The following REPS1 variants were observed in gnomAD, a reference collection of about 807,000 sequenced individuals.
REPS1 encodes RALBP1 associated Eps domain containing 1.
A neutral mutation model predicts 100.9 loss-of-function variants in REPS1; 39 were observed. The observed-to-expected ratio is 0.39, with a 90% CI of 0.30 to 0.50. The LOEUF is 0.50. REPS1 is among the 20% of genes least tolerant of loss of function. The pLI is 0.86. For synonymous variants in REPS1, 324 were observed against 340.3 expected (o/e 0.95, Z 0.53); for missense variants, 821 against 968.5 (o/e 0.85, Z 2.02).
In REPS1 at chr6:138,932,139, GGACA is replaced by G. The variant is rs540128897; in HGVS notation, c.1136-2045_1136-2042del. Reference sequence around the variant, plus strand: ...CCCACCTCAGGGCAGTTATGATTTGGGACAGATTCTGGGAATATTTCTGGTTCAC... The same window carrying G: ...CCCACCTCAGGGCAGTTATGATTTGGGATTCTGGGAATATTTCTGGTTCAC... On this transcript the variant is annotated intron_variant, in intron 8 of 19. Coordinates refer to ENST00000450536, the MANE Select transcript of REPS1 (RefSeq NM_001286611.2). Among the ~76,000 whole-genome samples the G allele has an allele frequency of 8.3e-4, 126 of 152,202 alleles. 1 individual carries two copies. Among genetic ancestry groups the G allele is most frequent in the African/African-American group, 2.9e-3 (121 of 41,514 alleles).
intron 4 of REPS1, 81 bp downstream of exon 4, chr6:138,945,138 G>T: frequency 7.9e-7 from 1 of 1,263,328 alleles, no homozygotes; most frequent in Non-Finnish European, 1.1e-6. Flanking sequence ...GGAGGCTGAG[G>T]CAGGAGGATC....
At chr6:138,927,495 T>C (rs1236099646) in intron 9 of REPS1, 3 of 152,198 alleles carry the variant, frequency 2.0e-5, no homozygotes, top group Admixed American at 1.3e-4. Context: ...ATACAATGTA[T>C]ACACACGAAT....
intron 1 of REPS1, among the ~76,000 whole-genome samples, chr6:138,979,877 G>C (rs566772912): frequency 1.3e-5 from 2 of 152,192 alleles, no homozygotes; most frequent in Admixed American, 6.5e-5. Context: ...CACTAACATA[G>C]TGACAATCTT....
chr6:138,932,459 A>ACCC (rs71009602), intron 8 of REPS1, among the ~76,000 whole-genome samples: 7 of 147,652 alleles, frequency 4.7e-5, no homozygotes, highest in African/African-American at 1.2e-4. Context: ...TGTATTCCTT[A>ACCC]CCCCCCCCCA....
chr6:138,966,799 G>A (rs565176623), intron 1 of REPS1, among the ~76,000 whole-genome samples: 12 of 151,712 alleles, frequency 7.9e-5, no homozygotes, highest in East Asian at 7.8e-4. Flanking sequence ...AAAAGAAAAC[G>A]GTGAATTTTA....
At chr6:138,929,748 T>C in intron 9 of REPS1, 1 of 351,016 alleles carries the variant, frequency 2.8e-6, no homozygotes, top group Non-Finnish European at 5.2e-6. Flanking sequence ...TCTGCCTCTC[T>C]AAACTCACAA....
chr6:138,910,486 T>C (rs557945339), intron 17 of REPS1, among the ~76,000 whole-genome samples: 3 of 152,138 alleles, frequency 2.0e-5, no homozygotes, highest in Non-Finnish European at 4.4e-5. Context: ...GCCAAGTAGC[T>C]GGGACTATAG....
chr6:138,984,989 A>G (rs1333825347), intron 1 of REPS1, among the ~76,000 whole-genome samples: 3 of 152,204 alleles, frequency 2.0e-5, no homozygotes, highest in Non-Finnish European at 4.4e-5. Context: ...CCACTGAAAG[A>G]GTGTCATTCC....
intron 1 of REPS1, among the ~76,000 whole-genome samples, chr6:138,973,025 A>G (rs1469134643): frequency 6.6e-6 from 1 of 152,208 alleles, no homozygotes; most frequent in Non-Finnish European, 1.5e-5. Context: ...CAAAGTGATA[A>G]TAAAGGAAAC....
At chr6:138,949,974 T>C (rs1470762411) in intron 1 of REPS1, among the ~76,000 whole-genome samples, 1 of 152,188 alleles carries the variant, frequency 6.6e-6, no homozygotes, top group Admixed American at 6.5e-5. Context: ...AAAGCTGTTT[T>C]GGTGATACAG....
intron 10 of REPS1, among the ~76,000 whole-genome samples, chr6:138,926,060 T>A (rs1781097393): frequency 6.6e-6 from 1 of 152,190 alleles, no homozygotes; most frequent in African/African-American, 2.4e-5. Flanking sequence ...AGCATACAGA[T>A]AATACATAAA....
chr6:138,958,683 G>T (rs1024132008), intron 1 of REPS1, among the ~76,000 whole-genome samples: 1 of 152,108 alleles, frequency 6.6e-6, no homozygotes, highest in Non-Finnish European at 1.5e-5. Flanking sequence ...AAAAAAAGTA[G>T]AATGTTTTTC....
chr6:138,926,073 G>C (rs1357143402), intron 10 of REPS1, among the ~76,000 whole-genome samples: 1 of 152,062 alleles, frequency 6.6e-6, no homozygotes, highest in Admixed American at 6.6e-5. Context: ...TACATAAAGA[G>C]TCACTACACT....
At chr6:138,947,945 T>C (rs1782745994) in intron 1 of REPS1, 32 bp from the exon 2 acceptor site, 1 of 1,538,618 alleles carries the variant, frequency 6.5e-7, no homozygotes, top group African/African-American at 1.4e-5. Context: ...ACATTAAGAT[T>C]CACAACAAAA....
At chr6:138,963,822 C>T (rs1783870100) in intron 1 of REPS1, among the ~76,000 whole-genome samples, 1 of 152,122 alleles carries the variant, frequency 6.6e-6, no homozygotes, top group South Asian at 2.1e-4. Flanking sequence ...TCTTTCCTTA[C>T]AAAAACAACT....
Position 138,917,602 on chromosome 6 carries a change from A to G in REPS1, c.1554T>C (p.Ser518=). ...CGATCTGTTCTGGGTCAGAAGTAAA[A>G]GAGTCTGAACTACTGTAACCATCTG... ...TVADGYSSSD[S]FTSDPEQIGS... The change falls in exon 13 of 20, where the codon TCT becomes TCC. Residue 518 remains serine, a synonymous_variant. Coordinates refer to ENST00000450536, the MANE Select transcript of REPS1 (RefSeq NM_001286611.2). 6.2e-7 allele frequency: 1 copy of G among 1,613,606 alleles called. No individual in the cohort carries two copies. Among genetic ancestry groups the G allele is most frequent in the Non-Finnish European group, 8.5e-7 (1 of 1,179,720 alleles).
chr6:138,936,387 C>T (rs1018753611), intron 8 of REPS1, among the ~76,000 whole-genome samples: 1 of 152,074 alleles, frequency 6.6e-6, no homozygotes, highest in Non-Finnish European at 1.5e-5. Flanking sequence ...ATTGCTATCA[C>T]CCTCATAGAG....
At chr6:138,984,244 C>T (rs1448666096) in intron 1 of REPS1, among the ~76,000 whole-genome samples, 4 of 152,012 alleles carry the variant, frequency 2.6e-5, no homozygotes, top group Admixed American at 6.6e-5. Context: ...CCACCACATG[C>T]GGCTAATTTT....
At chr6:138,969,659 T>G (rs1297676256) in intron 1 of REPS1, among the ~76,000 whole-genome samples, 1 of 151,938 alleles carries the variant, frequency 6.6e-6, no homozygotes. Flanking sequence ...GAAACTGAAT[T>G]TGAATCCCAG....
Sources: gnomAD v4.1 joint callset for allele counts (sites outside exome capture counted in the v4.1 genomes callset) on GRCh38, gnomAD v4.1.1 for gene constraint, MANE v1.5 for transcripts, NCBI Gene and HGNC (gene_info 2026-07-23, HGNC 2026-07-21) for gene names.